The following FRMD4B variants were observed in gnomAD, a reference collection of about 807,000 sequenced individuals.
The protein encoded by FRMD4B is FERM domain containing 4B.
In FRMD4B, 74 loss-of-function variants were observed where a neutral mutation model predicts 141.5. The ratio of observed to expected loss-of-function variants is 0.52; its 90% confidence interval spans 0.43 to 0.63. FRMD4B has a LOEUF of 0.63. FRMD4B is among the 30% of genes least tolerant of loss of function. FRMD4B has a pLI of 0.00. For missense variants in FRMD4B, 1,366 were observed against 1,253.4 expected (o/e 1.09, Z -1.36); for synonymous variants, 506 against 467.9 (o/e 1.08, Z -1.05).
chr3:69,309,320 T>TC (rs1411330262), intron 3 of FRMD4B, among the ~76,000 whole-genome samples: 1 of 150,492 alleles, frequency 6.6e-6, no homozygotes, highest in African/African-American at 2.4e-5. Flanking sequence ...TTTTTTTTTT[T>TC]CGTAGAGATG....
intron 1 of FRMD4B, among the ~76,000 whole-genome samples, chr3:69,453,488 A>C (rs1490513155): frequency 6.6e-6 from 1 of 152,240 alleles, no homozygotes; most frequent in Non-Finnish European, 1.5e-5. Context: ...TGCAGCTCTA[A>C]ATAAATAAAA....
chr3:69,267,183 GGA>G (rs2096819828), intron 5 of FRMD4B, among the ~76,000 whole-genome samples: 2 of 152,280 alleles, frequency 1.3e-5, no homozygotes, highest in Non-Finnish European at 2.9e-5. Flanking sequence ...ACATGTGTTT[GGA>G]ACCAGTGAGT....
intron 11 of FRMD4B, among the ~76,000 whole-genome samples, chr3:69,205,715 C>G (rs972817661): frequency 6.6e-6 from 1 of 152,084 alleles, no homozygotes; most frequent in Admixed American, 6.5e-5. Context: ...TATGATGCCC[C>G]CACAACAGAG....
At chr3:69,412,963 C>T (rs1216225559) in intron 2 of FRMD4B, among the ~76,000 whole-genome samples, 6 of 145,822 alleles carry the variant, frequency 4.1e-5, no homozygotes, top group South Asian at 4.5e-4. Context: ...TCTGTGGTTA[C>T]CTATTATCAC....
intron 1 of FRMD4B, among the ~76,000 whole-genome samples, chr3:69,374,893 T>G (rs540564299): frequency 2.6e-5 from 4 of 152,124 alleles, no homozygotes; most frequent in Non-Finnish European, 5.9e-5. Flanking sequence ...CTTTAGAAGC[T>G]TCAAAGGTTA....
At position 69,198,726 on chromosome 3, in the gene FRMD4B, A is replaced by C; in HGVS notation, c.925T>G (p.Phe309Val). ...LENLYFREKKFAVEVHDPRRI... is the reference protein window; with the variant it reads ...LENLYFREKKVAVEVHDPRRI... The stretch of plus-strand genomic sequence containing the variant: ...CGTGGATCATGAACTTCAACAGCAA[A>C]TTTTTTCTCACGGAAATATAAGTTC... Residue 309 changes from phenylalanine (F) to valine (V), a missense_variant, in exon 12 of 23, where the codon TTT (phenylalanine) becomes GTT (valine). Physicochemically the swap from Phe to Val is conservative, Grantham distance 50. Coordinates refer to ENST00000398540, the MANE Select transcript of FRMD4B (RefSeq NM_015123.3). 1 of 1,568,036 alleles carries C rather than the reference A, an allele frequency of 6.4e-7. No homozygotes were observed. The highest frequency in any genetic ancestry group is 8.7e-7 in the Non-Finnish European group (1 of 1,149,538).
intron 20 of FRMD4B, among the ~76,000 whole-genome samples, chr3:69,182,250 T>G (rs1379576358): frequency 1.3e-5 from 2 of 152,208 alleles, no homozygotes; most frequent in Non-Finnish European, 2.9e-5. Flanking sequence ...ACAAAAGGCT[T>G]GCTGTAGGGA....
rs373349576 is a variant in FRMD4B at position 69,298,185 on chromosome 3, T to C, written c.416+4158A>G. On this transcript the variant is annotated intron_variant, in intron 4 of 22. Transcript: ENST00000398540. ...TACATTTCAGTAGAGAGAAAACTTC[T>C]TGAGAGCAAGTTCTCGTGGAATTTT... is the stretch of plus-strand genomic sequence containing the variant. 1.6e-4 allele frequency among the ~76,000 whole-genome samples: 24 copies of C among 152,382 alleles called. 1 individual carries two copies. Among genetic ancestry groups the C allele is most frequent in the African/African-American group, 4.8e-4 (20 of 41,590 alleles).
At position 69,385,829 on chromosome 3, in the gene FRMD4B, T is replaced by C; in HGVS notation, c.161A>G (p.Gln54Arg). 1.3e-6 allele frequency: 2 copies of C among 1,566,634 alleles called. No homozygotes were observed. Among genetic ancestry groups the C allele is most frequent in the Non-Finnish European group, 1.7e-6 (2 of 1,154,538 alleles). ...RTWCGLQDVY[Q>R]MTEGRHCQVH... The stretch of plus-strand genomic sequence containing the variant: ...CGGGTGCCGCGCGCTCCAGCTCACC[T>C]GGTACACGTCCTGCAGCCCGCACCA... The change falls in exon 1 of 23, where the codon CAG (glutamine) becomes CGG (arginine). Residue 54 changes from glutamine to arginine, a missense_variant and splice_region_variant. Coordinates refer to ENST00000398540, the MANE Select transcript of FRMD4B (RefSeq NM_015123.3).
chr3:69,419,636 G>C (rs756611735), intron 2 of FRMD4B, among the ~76,000 whole-genome samples: 1 of 152,138 alleles, frequency 6.6e-6, no homozygotes, highest in Non-Finnish European at 1.5e-5. Flanking sequence ...ATGGGGATTG[G>C]ATACTGTGCA....
At chr3:69,357,405 A>T (rs1462785909) in intron 1 of FRMD4B, among the ~76,000 whole-genome samples, 1 of 152,206 alleles carries the variant, frequency 6.6e-6, no homozygotes, top group African/African-American at 2.4e-5. Flanking sequence ...TGAAAATGAA[A>T]CTATATCCTG....
intron 1 of FRMD4B, among the ~76,000 whole-genome samples, chr3:69,434,039 C>T (rs1382009527): frequency 8.5e-5 from 13 of 152,212 alleles, no homozygotes; most frequent in Admixed American, 6.5e-4. Context: ...TGCCTTATCA[C>T]GTCATCTCTC....
At chr3:69,335,889 A>C (rs774265618) in intron 1 of FRMD4B, among the ~76,000 whole-genome samples, 11 of 151,600 alleles carry the variant, frequency 7.3e-5, no homozygotes, top group Non-Finnish European at 1.6e-4. Flanking sequence ...TGTTCGGCTA[A>C]TTTTTGTATT....
intron 1 of FRMD4B, among the ~76,000 whole-genome samples, chr3:69,529,678 T>A (rs144506693): frequency 6.6e-4 from 100 of 152,322 alleles, no homozygotes; most frequent in African/African-American, 2.4e-3. Context: ...TAGAAATGGA[T>A]TCCTTACTAT....
intron 1 of FRMD4B, among the ~76,000 whole-genome samples, chr3:69,353,906 A>G (rs1703239375): frequency 6.6e-6 from 1 of 152,240 alleles, no homozygotes; most frequent in African/African-American, 2.4e-5. Flanking sequence ...CATATGATGA[A>G]ATGTCATCTA....
chr3:69,249,706 A>G (rs907927040), intron 6 of FRMD4B, among the ~76,000 whole-genome samples: 8 of 152,196 alleles, frequency 5.3e-5, no homozygotes, highest in Admixed American at 6.6e-5. Flanking sequence ...AATGTATACA[A>G]AAGTTACTAA....
chr3:69,245,430 C>T (rs1182382262), intron 7 of FRMD4B, among the ~76,000 whole-genome samples: 1 of 151,966 alleles, frequency 6.6e-6, no homozygotes, highest in African/African-American at 2.4e-5. Context: ...AAACCTCCAC[C>T]TCCACCTCCA....
At chr3:69,394,689 A>G (rs1040501876) in intron 2 of FRMD4B, among the ~76,000 whole-genome samples, 3 of 152,238 alleles carry the variant, frequency 2.0e-5, no homozygotes, top group Non-Finnish European at 4.4e-5. Flanking sequence ...AGGATTATAA[A>G]TCATTCTACT....
chr3:69,405,087 T>C (rs990774686), intron 2 of FRMD4B, among the ~76,000 whole-genome samples: 9 of 152,244 alleles, frequency 5.9e-5, no homozygotes, highest in African/African-American at 2.2e-4. Flanking sequence ...CTGGAATTTA[T>C]TGGCTCATAT....
Sources: gnomAD v4.1 joint callset for allele counts (sites outside exome capture counted in the v4.1 genomes callset) on GRCh38, gnomAD v4.1.1 for gene constraint, MANE v1.5 for transcripts, NCBI Gene and HGNC (gene_info 2026-07-23, HGNC 2026-07-21) for gene names.